KRT75: variants seen among roughly 807,000 people sequenced by gnomAD.
The protein encoded by KRT75 is keratin, type II cytoskeletal 75.
A neutral mutation model predicts 48.8 loss-of-function variants in KRT75; 35 were observed. The ratio of observed to expected loss-of-function variants is 0.72; its 90% CI spans 0.55 to 0.95. The LOEUF (loss-of-function observed/expected upper bound fraction) is 0.95, where lower values mean the gene tolerates loss of function less well. Among genes scored for constraint, KRT75 ranks in the 40% least tolerant of loss-of-function variants. KRT75 has a pLI of 0.00. For missense variants in KRT75, 776 were observed against 709.9 expected (o/e 1.09, Z -1.06); for synonymous variants, 301 against 282.3 (o/e 1.07, Z -0.66).
At chr12:52,425,638 G>T (rs912290171) in intron 8 of KRT75, among the ~76,000 whole-genome samples, 8 of 152,166 alleles carry the variant, frequency 5.3e-5, no homozygotes, top group African/African-American at 1.9e-4. Flanking sequence ...GATGGCCACC[G>T]CCAGAGCTAG....
At chr12:52,425,845 G>A (rs1265675331) in intron 8 of KRT75, among the ~76,000 whole-genome samples, 1 of 152,192 alleles carries the variant, frequency 6.6e-6, no homozygotes, top group African/African-American at 2.4e-5. Context: ...CATTTCTGTT[G>A]CTTTAAACCA....
intron 3 of KRT75, 35 bp from the exon 4 acceptor site, chr12:52,431,673 G>A: frequency 1.4e-6 from 2 of 1,429,278 alleles, no homozygotes; most frequent in Non-Finnish European, 2.0e-6. Flanking sequence ...CTTTGAGTCT[G>A]CAGCCCCAAG....
Position 52,424,753 on chromosome 12 carries a change from C to T in KRT75, c.1420G>A (p.Val474Met). 6.2e-7 allele frequency: 1 copy of T among 1,611,090 alleles called. No individual in the cohort carries two copies. Among genetic ancestry groups the T allele is most frequent in the Non-Finnish European group, 8.5e-7 (1 of 1,177,422 alleles). ...CCACTGGAAAGAGTAGAGGTGACCA[C>T]AGCTGCCGGGAAGAGAGGAGGTGTG... ...GEGVSPVNIS[V>M]VTSTLSSGYG... is the part of the protein sequence containing the mutation. Residue 474 changes from valine to methionine, a missense_variant and splice_region_variant, in exon 9 of 9, where the codon GTG (valine) becomes ATG (methionine). By Grantham distance (21) the Val-to-Met change is conservative. Transcript: ENST00000252245.
At position 52,428,823 on chromosome 12, in the gene KRT75, G is replaced by C. The variant is rs370774970; in HGVS notation, c.1036-80C>G. ...CGCTGTGCACACAGACCCACCCTGG[G>C]TGCCACAAGCAGGCTCATTCATTCC... On this transcript the variant is annotated intron_variant, in intron 5 of 8. Transcript: ENST00000252245. The C allele has an allele frequency of 3.5e-5, 55 of 1,588,370 alleles. No individual in the cohort carries two copies. In the African/African-American group the frequency reaches 7.1e-4, roughly 21 times the overall value.
At position 52,424,315 on chromosome 12, in the gene KRT75, G is replaced by GT; in HGVS notation, c.*201dup. ...GAGAGCAGGCTTTGGTTTCACATGT[G>GT]TAACAGACGGGTGCTGCTGGCAGTC... On this transcript the variant is annotated 3_prime_UTR_variant, in exon 9 of 9. Transcript: ENST00000252245. 1 of 695,082 alleles carries GT rather than the reference G, an allele frequency of 1.4e-6. No individual in the cohort carries two copies. The highest frequency in any genetic ancestry group is 1.6e-5 in the South Asian group (1 of 62,672). The allele number at this position is 695,082 out of a possible 1,614,324, so 43.1% of individuals were successfully genotyped here.
In KRT75 at chr12:52,434,317, AG is replaced by A; in HGVS notation, c.-14del. On this transcript the variant is annotated 5_prime_UTR_variant, in exon 1 of 9. Transcript: ENST00000252245. ...ACTGCCGAGACATGGTGGGTGAGGA[AG>A]GCCGGCGAGAAGGCACCTGAGGTGG... 6.3e-7 allele frequency: 1 copy of A among 1,582,500 alleles called. No homozygotes were observed.
chr12:52,428,815 C>A, intron 5 of KRT75, 72 bp from the exon 6 acceptor site: 1 of 1,591,324 alleles, frequency 6.3e-7, no homozygotes, highest in Non-Finnish European at 8.6e-7. Flanking sequence ...CACACAGACC[C>A]ACCCTGGGTG....
intron 3 of KRT75, 62 bp downstream of exon 3, chr12:52,431,944 G>T: frequency 6.5e-7 from 1 of 1,540,116 alleles, no homozygotes; most frequent in Non-Finnish European, 9.0e-7. Flanking sequence ...CAGAGGTCAG[G>T]TTACCCCACA....
Position 52,428,639 on chromosome 12 carries a change from C to A in KRT75, c.1140G>T (p.Glu380Asp). 1 of 1,614,242 alleles carries A rather than the reference C, an allele frequency of 6.2e-7. No individual in the cohort carries two copies. The highest frequency in any genetic ancestry group is 8.5e-7 in the Non-Finnish European group (1 of 1,180,046). ...MNRMIQRLRA[E>D]IDSVKKQCSS... ...TTACCTGCTTCTTGACGCTGTCAAT[C>A]TCAGCTCTCAGCCTCTGGATCATGC... Residue 380 changes from glutamate (E) to aspartate (D), a missense_variant, in exon 6 of 9, where the codon GAG becomes GAT. Coordinates refer to ENST00000252245, the MANE Select transcript of KRT75 (RefSeq NM_004693.3).
At chr12:52,426,583 C>G (rs1940078371) in intron 8 of KRT75, among the ~76,000 whole-genome samples, 2 of 152,238 alleles carry the variant, frequency 1.3e-5, no homozygotes, top group African/African-American at 4.8e-5. Flanking sequence ...CATCAAACCT[C>G]TCATCACCCC....
At chr12:52,432,186 T>G in intron 2 of KRT75, 120 bp from the exon 3 acceptor site, 1 of 870,948 alleles carries the variant, frequency 1.1e-6, no homozygotes. Flanking sequence ...GACCTGGGCA[T>G]GACTTTGGGT....
Position 52,434,148 on chromosome 12 carries a change from C to A in KRT75, c.157G>T (p.Ala53Ser), listed in dbSNP as rs1240178179. The A allele has an allele frequency of 1.9e-6, 3 of 1,613,968 alleles. No homozygotes were observed. In the Admixed American group the frequency reaches 5.0e-5, roughly 27 times the overall value. ...GSGGLGRISS[A>S]GASFGSRSLY... The stretch of plus-strand genomic sequence containing the variant: ...CTGCGGCTTCCAAAGCTGGCCCCAG[C>A]ACTGCTGATCCTTCCCAGGCCCCCA... Residue 53 changes from alanine (A) to serine (S), a missense_variant, in exon 1 of 9, where the codon GCT becomes TCT. By Grantham distance (99) the Ala-to-Ser change is moderately conservative. Coordinates refer to ENST00000252245, the MANE Select transcript of KRT75 (RefSeq NM_004693.3).
Position 52,428,471 on chromosome 12 carries a change from G to T in KRT75, c.1167C>A (p.Ser389=). 6.2e-7 allele frequency: 1 copy of T among 1,613,552 alleles called. No individual in the cohort carries two copies. Among genetic ancestry groups the T allele is most frequent in the Non-Finnish European group, 8.5e-7 (1 of 1,179,694 alleles). ...AEIDSVKKQC[S]SLQTAIADAE... is the part of the protein sequence containing the mutation. The stretch of plus-strand genomic sequence containing the variant: ...CATCAGCAATGGCCGTTTGCAAGCT[G>T]GAACACTGTAAGGACAGGAGGAAGC... Residue 389 remains serine, a synonymous_variant, in exon 7 of 9, where the codon TCC becomes TCA. Coordinates refer to ENST00000252245, the MANE Select transcript of KRT75 (RefSeq NM_004693.3).
rs747132849 is a variant in KRT75 at position 52,430,533 on chromosome 12, A to G, written c.1035+8T>C. ...CCTGGAACCTCTCATGGAGGTGTCC[A>G]TGCTCACCTTGGTCTGGTACCAGGA... On this transcript the variant is annotated splice_region_variant and intron_variant, in intron 5 of 8. Transcript: ENST00000252245. 6.2e-7 allele frequency: 1 copy of G among 1,614,002 alleles called. No individual in the cohort carries two copies.
chr12:52,432,132 T>C, intron 2 of KRT75, 66 bp from the exon 3 acceptor site: 6 of 1,530,320 alleles, frequency 3.9e-6, no homozygotes, highest in Non-Finnish European at 4.5e-6. Context: ...CAGGCTGGTG[T>C]AGCAAGAGTT....
intron 8 of KRT75, 148 bp from the exon 9 acceptor site, chr12:52,424,903 T>C: frequency 1.4e-6 from 1 of 723,016 alleles, no homozygotes. Flanking sequence ...CCCTGCTTAG[T>C]GAGATCACTG....
chr12:52,428,507 G>C lies in KRT75; in HGVS notation c.1162-31C>G, dbSNP rs1940102988. ...AGGACAGGAGGAAGCCATGAGTCCT[G>C]CTGACAGCCCATGGAGGTGTGGTGC... On this transcript the variant is annotated intron_variant, in intron 6 of 8. Coordinates refer to ENST00000252245, the MANE Select transcript of KRT75 (RefSeq NM_004693.3). 5.0e-6 allele frequency: 8 copies of C among 1,611,922 alleles called. No individual in the cohort carries two copies. In the East Asian group the frequency reaches 1.8e-4, roughly 36 times the overall value.
intron 5 of KRT75, among the ~76,000 whole-genome samples, chr12:52,429,822 A>C (rs1940120783): frequency 6.6e-6 from 1 of 152,140 alleles, no homozygotes; most frequent in South Asian, 2.1e-4. Flanking sequence ...AGCTGCCCCA[A>C]GAGGGGTCTG....
chr12:52,428,350 G>C lies in KRT75; in HGVS notation c.1288C>G (p.Leu430Val), dbSNP rs775177461. 1.2e-6 allele frequency: 2 copies of C among 1,613,782 alleles called. No homozygotes were observed. Among genetic ancestry groups the C allele is most frequent in the Admixed American group, 3.3e-5 (2 of 59,922 alleles). ...LQKAKQDMAR[L>V]LREYQELMNI... ...ATCAGCTCCTGGTACTCACGCAGGA[G>C]CCGAGCCATGTCCTGCTTGGCCTTC... The change falls in exon 7 of 9, where the codon CTC (leucine) becomes GTC (valine). Residue 430 changes from leucine (L) to valine (V), a missense_variant. By Grantham distance (32) the Leu-to-Val change is conservative (BLOSUM62 1). Transcript: ENST00000252245.
Sources: gnomAD v4.1 joint callset for allele counts (sites outside exome capture counted in the v4.1 genomes callset) on GRCh38, gnomAD v4.1.1 for gene constraint, MANE v1.5 for transcripts, NCBI Gene and HGNC (gene_info 2026-07-23, HGNC 2026-07-21) for gene names.